The following TOX2 variants were observed in gnomAD, a reference collection of about 807,000 sequenced individuals.
TOX2 encodes granulosa cell HMG box 1.
A neutral mutation model predicts 47.4 loss-of-function variants in TOX2; 15 were observed. The ratio of observed to expected loss-of-function variants is 0.32; its 90% CI spans 0.21 to 0.49. The LOEUF (loss-of-function observed/expected upper bound fraction) is 0.49, where lower values mean the gene tolerates loss of function less well. Among genes scored for constraint, TOX2 ranks in the 20% least tolerant of loss-of-function variants. TOX2 has a pLI of 0.99. For missense variants in TOX2, 622 were observed against 673.1 expected, an observed-to-expected ratio of 0.92 and a Z score of 0.84; for synonymous variants, 290 against 296.6, an observed-to-expected ratio of 0.98 and a Z score of 0.23.
At chr20:44,025,108 A>G (rs1392352438) in intron 3 of TOX2, among the ~76,000 whole-genome samples, 4 of 151,900 alleles carry the variant, frequency 2.6e-5, no homozygotes, top group African/African-American at 9.7e-5. Context: ...TCTATTATAA[A>G]CTCTCTTGGG....
chr20:44,026,255 A>ATATATATATATATATATATATATATG (rs1281607498), intron 3 of TOX2, among the ~76,000 whole-genome samples: 1 of 85,314 alleles, frequency 1.2e-5, no homozygotes, highest in Admixed American at 9.8e-5. Flanking sequence ...ATATAGACAC[A>ATATATATATATATATATATATATATG]CACACACACA....
chr20:43,924,706 A>G (rs941126650), intron 1 of TOX2, among the ~76,000 whole-genome samples: 26 of 150,698 alleles, frequency 1.7e-4, no homozygotes, highest in African/African-American at 6.1e-4. Context: ...CTGTTCATTA[A>G]CTCACTCCCA....
rs60652521 is a variant in TOX2, at chr20:43,989,225, C to G, written c.165+15793C>G. ...GATTGAGAAGTGCTGGCCTAGTGTA[C>G]TTTGCCTTCCCCAAGCACTGCAAGC... On this transcript the variant is annotated intron_variant, in intron 2 of 8. Transcript: ENST00000341197. 8.3e-3 allele frequency among the ~76,000 whole-genome samples: 1,266 copies of G among 152,324 alleles called. 11 individuals carry two copies. Among genetic ancestry groups the G allele is most frequent in the African/African-American group, 0.029 (1,207 of 41,566 alleles).
At chr20:44,030,466 C>G (rs1327576717) in intron 3 of TOX2, among the ~76,000 whole-genome samples, 2 of 152,210 alleles carry the variant, frequency 1.3e-5, no homozygotes, top group Admixed American at 6.5e-5. Context: ...CTTCCCCTGG[C>G]ATTCAAGGCC....
intron 1 of TOX2, among the ~76,000 whole-genome samples, chr20:43,927,780 C>T (rs531723259): frequency 7.3e-6 from 1 of 136,098 alleles, no homozygotes; most frequent in Non-Finnish European, 1.6e-5. Context: ...TCCCTCTTTC[C>T]CTCCCTCCCT....
intron 2 of TOX2, among the ~76,000 whole-genome samples, chr20:43,981,580 C>T (rs1017786139): frequency 2.0e-5 from 3 of 152,060 alleles, no homozygotes; most frequent in Admixed American, 6.6e-5. Flanking sequence ...GACTTTTCAC[C>T]GTATCTTTTT....
At chr20:44,053,802 T>G (rs763572637) in intron 4 of TOX2, among the ~76,000 whole-genome samples, 1 of 150,872 alleles carries the variant, frequency 6.6e-6, no homozygotes, top group Non-Finnish European at 1.5e-5. Context: ...CACTATTGAT[T>G]AGGGGATTTC....
At chr20:43,970,796 C>T (rs2069951291) in intron 1 of TOX2, among the ~76,000 whole-genome samples, 2 of 152,216 alleles carry the variant, frequency 1.3e-5, no homozygotes, top group African/African-American at 4.8e-5. Context: ...CAGTTCCAGC[C>T]TCCATGTTGC....
intron 1 of TOX2, among the ~76,000 whole-genome samples, chr20:43,933,690 C>A (rs771280390): frequency 2.0e-5 from 3 of 152,144 alleles, no homozygotes; most frequent in Non-Finnish European, 4.4e-5. Context: ...CTCTGCAGCC[C>A]ACATGTCAGT....
chr20:43,960,688 G>C (rs527966835), intron 1 of TOX2, among the ~76,000 whole-genome samples: 2 of 152,346 alleles, frequency 1.3e-5, no homozygotes, highest in Non-Finnish European at 2.9e-5. Flanking sequence ...CCATTTTAAA[G>C]CACATGCTGA....
At position 44,066,667 on chromosome 20, in the gene TOX2, G is replaced by C. The variant is rs979600005; in HGVS notation, c.1357-63G>C. ...GACACATGGGCTCTCACCCCGGGAGGCCTGGGACAGTCTGCCCCCTCATCT... is the reference window on the plus strand; with the variant it reads ...GACACATGGGCTCTCACCCCGGGAGCCCTGGGACAGTCTGCCCCCTCATCT... On this transcript the variant is annotated intron_variant, in intron 7 of 8. Coordinates refer to ENST00000341197, the MANE Select transcript of TOX2 (RefSeq NM_001098797.2). 6.8e-6 allele frequency: 11 copies of C among 1,612,186 alleles called. 1 individual carries two copies. The highest frequency in any genetic ancestry group is 2.2e-5 in the South Asian group (2 of 90,992).
At position 44,026,246 on chromosome 20, in the gene TOX2, TATAG is replaced by T. The variant is rs1298989340; in HGVS notation, c.411+19456_411+19459del. ...AAACTGTGATATATATATATATATA[TATAG>T]ACACACACACACACAATGGAATACT... is the stretch of plus-strand genomic sequence containing the variant. On this transcript the variant is annotated intron_variant, in intron 3 of 8. Coordinates refer to ENST00000341197, the MANE Select transcript of TOX2 (RefSeq NM_001098797.2). Among the ~76,000 whole-genome samples the T allele has an allele frequency of 1.1e-4, 11 of 102,980 alleles. 2 individuals carry two copies. Among genetic ancestry groups the T allele is most frequent in the African/African-American group, 4.0e-4 (9 of 22,338 alleles). The allele number at this position is 102,980 out of a possible 152,430, so 67.6% of individuals were successfully genotyped here.
rs114105119 is a variant in TOX2 at position 44,017,420 on chromosome 20, T to G, written c.411+10628T>G. On this transcript the variant is annotated intron_variant, in intron 3 of 8. Coordinates refer to ENST00000341197, the MANE Select transcript of TOX2 (RefSeq NM_001098797.2). ...TCAACCCGGCTTTCCCTGGGGCTGT[T>G]ATTTCGGCTTCACCACCTCTGTGCC... Among the ~76,000 whole-genome samples, 1,443 of 152,258 alleles carry G rather than the reference T, an allele frequency of 9.5e-3. 17 individuals are homozygous for G. Among genetic ancestry groups the G allele is most frequent in the Middle Eastern group, 0.037 (11 of 294 alleles).
chr20:43,964,515 A>T (rs968617409), intron 1 of TOX2, among the ~76,000 whole-genome samples: 1 of 152,004 alleles, frequency 6.6e-6, no homozygotes, highest in African/African-American at 2.4e-5. Context: ...TTTCCTCTTT[A>T]GATCTTGGTG....
At chr20:43,957,067 T>G (rs1293336537) in intron 1 of TOX2, among the ~76,000 whole-genome samples, 1 of 152,282 alleles carries the variant, frequency 6.6e-6, no homozygotes, top group African/African-American at 2.4e-5. Context: ...AATGCATATA[T>G]ATTTGAATCT....
At chr20:43,917,473 A>C (rs1002316665) in intron 1 of TOX2, among the ~76,000 whole-genome samples, 11 of 152,200 alleles carry the variant, frequency 7.2e-5, no homozygotes, top group African/African-American at 2.4e-4. Flanking sequence ...ACACACCCAC[A>C]CATGGGGGGC....
intron 7 of TOX2, among the ~76,000 whole-genome samples, chr20:44,066,473 T>G (rs1162640586): frequency 2.0e-5 from 3 of 152,194 alleles, no homozygotes; most frequent in Admixed American, 6.5e-5. Context: ...GGTTCAGTAA[T>G]TCCATTTTAC....
intron 3 of TOX2, among the ~76,000 whole-genome samples, chr20:44,008,003 GAGTTAA>G (rs1003341157): frequency 1.3e-5 from 2 of 152,134 alleles, no homozygotes; most frequent in Non-Finnish European, 2.9e-5. Flanking sequence ...GGTGATTACT[GAGTTAA>G]AGTTCATGGG....
In TOX2 at chr20:44,068,811, A is replaced by AT; in HGVS notation, c.*127dup. The AT allele has an allele frequency of 7.6e-7, 1 of 1,308,066 alleles. No individual in the cohort carries two copies. Among genetic ancestry groups the AT allele is most frequent in the Non-Finnish European group, 1.1e-6 (1 of 923,800 alleles). The allele number at this position is 1,308,066 out of a possible 1,614,324, so 81.0% of individuals were successfully genotyped here. On this transcript the variant is annotated 3_prime_UTR_variant, in exon 9 of 9. Coordinates refer to ENST00000341197, the MANE Select transcript of TOX2 (RefSeq NM_001098797.2). ...CATCGGAGAGAGCAGTGACACACCC[A>AT]TTGCCCGGGGGCTGAGTCTCTTCCT...
Sources: gnomAD v4.1 joint callset for allele counts (sites outside exome capture counted in the v4.1 genomes callset) on GRCh38, gnomAD v4.1.1 for gene constraint, MANE v1.5 for transcripts, NCBI Gene and HGNC (gene_info 2026-07-23, HGNC 2026-07-21) for gene names.